The following PDLIM1 variants were observed in gnomAD, a reference collection of about 807,000 sequenced individuals.
The protein encoded by PDLIM1 is PDZ and LIM domain 1.
Under a neutral mutation model 35.2 loss-of-function variants are expected in PDLIM1, and 25 were observed. The ratio of observed to expected loss-of-function variants is 0.71; its 90% confidence interval spans 0.52 to 0.99. The LOEUF is 0.99. Ranked by LOEUF, PDLIM1 falls within the 50% of genes least tolerant of loss-of-function variation. PDLIM1 has a pLI of 0.00. For synonymous variants in PDLIM1, 152 were observed against 154.0 expected, an observed-to-expected ratio of 0.99 and a Z score of 0.10; for missense variants, 363 against 415.3, an observed-to-expected ratio of 0.87 and a Z score of 1.09.
intron 3 of PDLIM1, 119 bp downstream of exon 3, chr10:95,268,657 GAC>G: frequency 1.4e-6 from 1 of 718,856 alleles, no homozygotes; most frequent in Non-Finnish European, 2.6e-6. Context: ...TACCAGCAGA[GAC>G]AGTGAAGGGT....
At chr10:95,272,208 TA>T (rs960240457) in intron 1 of PDLIM1, among the ~76,000 whole-genome samples, 1 of 152,080 alleles carries the variant, frequency 6.6e-6, no homozygotes, top group South Asian at 2.1e-4. Context: ...CAATTACATT[TA>T]AAAAAACACA....
At chr10:95,252,676 G>C (rs1056304652) in intron 4 of PDLIM1, among the ~76,000 whole-genome samples, 2 of 152,018 alleles carry the variant, frequency 1.3e-5, no homozygotes, top group African/African-American at 4.8e-5. Context: ...AACAAATAAA[G>C]TCTCAACAAA....
chr10:95,238,983 G>A (rs1461281322), intron 5 of PDLIM1: 1 of 254,620 alleles, frequency 3.9e-6, no homozygotes, highest in African/African-American at 2.2e-5. Context: ...CAAGGCTACA[G>A]TAATCAAAAC....
At chr10:95,242,998 C>T (rs985275328) in intron 5 of PDLIM1, among the ~76,000 whole-genome samples, 1 of 152,174 alleles carries the variant, frequency 6.6e-6, no homozygotes, top group Non-Finnish European at 1.5e-5. Flanking sequence ...ACCTGGAATC[C>T]ACTCAATCCA....
At position 95,251,058 on chromosome 10, in the gene PDLIM1, T is replaced by C. The variant is rs529144799; in HGVS notation, c.534-3692A>G. 5.9e-5 allele frequency among the ~76,000 whole-genome samples: 9 copies of C among 152,130 alleles called. No homozygotes were observed. In the South Asian group the frequency reaches 1.9e-3, roughly 32 times the overall value. On this transcript the variant is annotated intron_variant, in intron 4 of 6. Coordinates refer to ENST00000329399, the MANE Select transcript of PDLIM1 (RefSeq NM_020992.4). ...ATTTTGGAGGCTGAGCCTGCAGACC[T>C]TATGTGTTTCTCACACCTGCTCCAG...
chr10:95,283,981 C>CTGTGTGTG (rs3979535), intron 1 of PDLIM1, among the ~76,000 whole-genome samples: 2 of 150,324 alleles, frequency 1.3e-5, no homozygotes, highest in South Asian at 2.1e-4. Context: ...GCCTTTTTCT[C>CTGTGTGTG]TGTGTGTGTG....
At chr10:95,282,361 TAC>T (rs1237343852) in intron 1 of PDLIM1, among the ~76,000 whole-genome samples, 3 of 152,210 alleles carry the variant, frequency 2.0e-5, no homozygotes, top group Non-Finnish European at 2.9e-5. Flanking sequence ...TGTATGCATT[TAC>T]ACAGGGTGAC....
chr10:95,242,956 T>C (rs956728065), intron 5 of PDLIM1, among the ~76,000 whole-genome samples: 2 of 148,910 alleles, frequency 1.3e-5, no homozygotes, highest in Non-Finnish European at 3.0e-5. Flanking sequence ...GGCTCTCTTA[T>C]GCAATGGGCT....
chr10:95,269,353 C>T (rs1360389316), intron 2 of PDLIM1, among the ~76,000 whole-genome samples: 1 of 152,144 alleles, frequency 6.6e-6, no homozygotes, highest in Non-Finnish European at 1.5e-5. Flanking sequence ...GGGGAAATCA[C>T]TTGAGGTCTG....
chr10:95,247,284 A>C lies in PDLIM1; in HGVS notation c.616T>G (p.Leu206Val). 2 of 1,613,890 alleles carry C rather than the reference A, an allele frequency of 1.2e-6. No individual in the cohort carries two copies. The highest frequency in any genetic ancestry group is 1.7e-6 in the Non-Finnish European group (2 of 1,179,912). Reference sequence around the variant, plus strand: ...GTGGACTGTTTCGGGGGCTCATTCAACTCCTGTTTCTCCTGAAGCATCTTG... The same window carrying C: ...GTGGACTGTTTCGGGGGCTCATTCACCTCCTGTTTCTCCTGAAGCATCTTG... The part of the protein sequence containing the change: ...VYKMLQEKQE[L>V]NEPPKQSTSF... Residue 206 changes from leucine (L) to valine (V), a missense_variant, in exon 5 of 7, where the codon TTG becomes GTG. Physicochemically the swap from Leu to Val is conservative, Grantham distance 32 (BLOSUM62 1). Coordinates refer to ENST00000329399, the MANE Select transcript of PDLIM1 (RefSeq NM_020992.4).
At chr10:95,255,233 C>T (rs1315612505) in intron 4 of PDLIM1, among the ~76,000 whole-genome samples, 2 of 151,194 alleles carry the variant, frequency 1.3e-5, no homozygotes, top group African/African-American at 4.9e-5. Context: ...AAAACTAATC[C>T]TTCTCAAACT....
At chr10:95,240,572 T>C (rs2035169512) in intron 5 of PDLIM1, among the ~76,000 whole-genome samples, 1 of 152,176 alleles carries the variant, frequency 6.6e-6, no homozygotes, top group Admixed American at 6.5e-5. Context: ...GATGGGATGA[T>C]CTGTGCAGCA....
At chr10:95,285,527 T>G (rs575417748) in intron 1 of PDLIM1, among the ~76,000 whole-genome samples, 1 of 152,342 alleles carries the variant, frequency 6.6e-6, no homozygotes, top group Admixed American at 6.5e-5. Context: ...TCTGCAATTG[T>G]CTGACTTTGT....
chr10:95,238,968 T>A, intron 5 of PDLIM1: 1 of 307,648 alleles, frequency 3.3e-6, no homozygotes, highest in Non-Finnish European at 6.2e-6. Context: ...ATTCAAACTA[T>A]ATTACAAGGC....
rs200575774 is a variant in PDLIM1 at position 95,258,281 on chromosome 10, G to GA, written c.533+5582dup. The stretch of plus-strand genomic sequence containing the variant: ...ATATCAACATGAATAAAGAAAATGT[G>GA]AAAAAAAAATGGGATATTATTCAGC... On this transcript the variant is annotated intron_variant, in intron 4 of 6. Transcript: ENST00000329399. 1.2e-3 allele frequency among the ~76,000 whole-genome samples: 171 copies of GA among 147,868 alleles called. 3 individuals are homozygous for GA. In the East Asian group the frequency reaches 0.027, roughly 24 times the overall value.
At chr10:95,271,528 A>G in intron 2 of PDLIM1, 105 bp downstream of exon 2, 1 of 894,382 alleles carries the variant, frequency 1.1e-6, no homozygotes, top group Non-Finnish European at 1.7e-6. Flanking sequence ...TATACATGGC[A>G]CTGAGCTAGG....
In PDLIM1 at chr10:95,281,260, A is replaced by G. The variant is rs138010295; in HGVS notation, c.97-9476T>C. On this transcript the variant is annotated intron_variant, in intron 1 of 6. Transcript: ENST00000329399. ...ATATCCATTAGAATAGTATTCCTCT[A>G]TCTCTTACCAAAACAGACTTAAAAA... is the stretch of plus-strand genomic sequence containing the variant. 1.2e-4 allele frequency among the ~76,000 whole-genome samples: 18 copies of G among 151,884 alleles called. 1 individual carries two copies. The East Asian group carries it at 3.1e-3, about 26-fold the overall frequency.
chr10:95,263,874 T>TCGCCTCCACCCC lies in PDLIM1; in HGVS notation c.511_522dup (p.Gly171_Ala174dup), dbSNP rs2035387439. 1 of 1,611,968 alleles carries TCGCCTCCACCCC rather than the reference T, an allele frequency of 6.2e-7. No homozygotes were observed. Among genetic ancestry groups the TCGCCTCCACCCC allele is most frequent in the Non-Finnish European group, 8.5e-7 (1 of 1,179,012 alleles). ...TCCTGGGCTACTTACGGTCTGCTGT[T>TCGCCTCCACCCC]CGCCTCCACCCCGCTGGCAGCAGTC... On this transcript the variant is annotated inframe_insertion, in exon 4 of 7. Coordinates refer to ENST00000329399, the MANE Select transcript of PDLIM1 (RefSeq NM_020992.4).
intron 3 of PDLIM1, among the ~76,000 whole-genome samples, chr10:95,267,771 T>C (rs2035428748): frequency 6.6e-6 from 1 of 152,226 alleles, no homozygotes; most frequent in Non-Finnish European, 1.5e-5. Context: ...TAGCTATATA[T>C]TGTATTTTAA....
Sources: gnomAD v4.1 joint callset for allele counts (sites outside exome capture counted in the v4.1 genomes callset) on GRCh38, gnomAD v4.1.1 for gene constraint, MANE v1.5 for transcripts, NCBI Gene and HGNC (gene_info 2026-07-23, HGNC 2026-07-21) for gene names.